Variants in CDH12 observed in about 807,000 individuals in gnomAD.
CDH12 encodes cadherin 12.
Under a neutral mutation model 74.1 loss-of-function variants are expected in CDH12, and 41 were observed. The ratio of observed to expected loss-of-function variants is 0.55; its 90% CI spans 0.43 to 0.72. CDH12 has a LOEUF of 0.72. Among genes scored for constraint, CDH12 ranks in the 30% least tolerant of loss-of-function variants. CDH12 has a pLI of 0.00. For missense variants in CDH12, 945 were observed against 977.2 expected (o/e 0.97, Z 0.44); for synonymous variants, 399 against 355.0 (o/e 1.12, Z -1.39).
At chr5:22,852,874 C>A (rs1022977480) in intron 1 of CDH12, among the ~76,000 whole-genome samples, 184 bp downstream of exon 1, 1 of 152,124 alleles carries the variant, frequency 6.6e-6, no homozygotes, top group Non-Finnish European at 1.5e-5. Context: ...TTAGAACTTA[C>A]CGAAGTTTCC....
chr5:22,612,697 T>C (rs1737472395), intron 1 of CDH12, among the ~76,000 whole-genome samples: 1 of 152,130 alleles, frequency 6.6e-6, no homozygotes, highest in Non-Finnish European at 1.5e-5. Context: ...TTTGACTGTC[T>C]GGTGTGTTCT....
intron 11 of CDH12, among the ~76,000 whole-genome samples, chr5:21,782,692 A>T (rs376597526): frequency 3.3e-5 from 5 of 152,126 alleles, no homozygotes; most frequent in Non-Finnish European, 7.3e-5. Flanking sequence ...CACCACTTTC[A>T]CCCTGATCCA....
chr5:22,197,803 T>G (rs1424702602), intron 4 of CDH12, among the ~76,000 whole-genome samples: 1 of 152,128 alleles, frequency 6.6e-6, no homozygotes, highest in Non-Finnish European at 1.5e-5. Flanking sequence ...CTGTTAATAT[T>G]TATAAAGTCT....
intron 4 of CDH12, among the ~76,000 whole-genome samples, chr5:22,137,233 CAT>C (rs1395661293): frequency 6.6e-6 from 1 of 151,916 alleles, no homozygotes; most frequent in Non-Finnish European, 1.5e-5. Flanking sequence ...CATTAATTGC[CAT>C]TCACGTTTTA....
At chr5:22,652,769 T>A (rs1004610769) in intron 1 of CDH12, among the ~76,000 whole-genome samples, 1 of 152,192 alleles carries the variant, frequency 6.6e-6, no homozygotes, top group Non-Finnish European at 1.5e-5. Flanking sequence ...AATAATTAGA[T>A]AAACTTCTTC....
intron 1 of CDH12, among the ~76,000 whole-genome samples, chr5:22,727,951 T>C (rs1744244204): frequency 6.6e-6 from 1 of 151,816 alleles, no homozygotes; most frequent in South Asian, 2.1e-4. Flanking sequence ...AGTTGTTGAG[T>C]TTTTTCAATT....
chr5:21,923,197 A>C (rs1754437693), intron 6 of CDH12, among the ~76,000 whole-genome samples: 1 of 152,122 alleles, frequency 6.6e-6, no homozygotes, highest in Admixed American at 6.6e-5. Context: ...TGAATTAAGA[A>C]ATTTTGAGAT....
intron 3 of CDH12, among the ~76,000 whole-genome samples, chr5:22,301,233 T>C (rs1737866833): frequency 6.6e-6 from 1 of 152,180 alleles, no homozygotes; most frequent in Non-Finnish European, 1.5e-5. Flanking sequence ...ATATGTAAAA[T>C]ATTGCCCTTG....
chr5:22,839,351 T>TC (rs1736982903), intron 1 of CDH12, among the ~76,000 whole-genome samples: 1 of 146,156 alleles, frequency 6.8e-6, no homozygotes, highest in Non-Finnish European at 1.5e-5. Flanking sequence ...AAATTACTTG[T>TC]CTTTTTTTTT....
chr5:22,488,663 C>G (rs1474435983), intron 2 of CDH12, among the ~76,000 whole-genome samples: 1 of 152,092 alleles, frequency 6.6e-6, no homozygotes, highest in East Asian at 1.9e-4. Context: ...CCTAATTATC[C>G]TAGGGCCAAC....
intron 1 of CDH12, among the ~76,000 whole-genome samples, chr5:22,812,858 G>A (rs554334810): frequency 3.3e-5 from 5 of 151,912 alleles, no homozygotes; most frequent in East Asian, 3.9e-4. Flanking sequence ...AGGCAACGGA[G>A]GGAAATACAG....
intron 10 of CDH12, among the ~76,000 whole-genome samples, chr5:21,797,039 A>T (rs1331851885): frequency 1.3e-5 from 2 of 152,166 alleles, no homozygotes; most frequent in Non-Finnish European, 2.9e-5. Flanking sequence ...AAAGTGAAGA[A>T]TAACTAGAAA....
intron 1 of CDH12, among the ~76,000 whole-genome samples, chr5:22,578,890 C>A (rs1302484544): frequency 6.6e-6 from 1 of 152,130 alleles, no homozygotes; most frequent in Non-Finnish European, 1.5e-5. Context: ...GTTCAATTAG[C>A]AAAATTATAG....
In CDH12 at chr5:21,788,607, T is replaced by A. The variant is rs145089592; in HGVS notation, c.1257-5113A>T. 7.9e-5 allele frequency among the ~76,000 whole-genome samples: 12 copies of A among 152,278 alleles called. No individual in the cohort carries two copies. In the East Asian group the frequency reaches 1.7e-3, roughly 22 times the overall value. On this transcript the variant is annotated intron_variant, in intron 10 of 14. Transcript: ENST00000382254. The stretch of plus-strand genomic sequence containing the variant: ...GTTTTTAATATATTTTTAATATTTT[T>A]AAAATATTTCAGATGTATAATAAAG...
intron 1 of CDH12, among the ~76,000 whole-genome samples, chr5:22,636,102 C>T (rs1033267872): frequency 2.0e-4 from 31 of 152,008 alleles, no homozygotes; most frequent in African/African-American, 7.5e-4. Flanking sequence ...TGCTCAACAT[C>T]ATTAATTAGG....
At chr5:22,274,378 GC>G (rs1418522699) in intron 3 of CDH12, among the ~76,000 whole-genome samples, 1 of 151,992 alleles carries the variant, frequency 6.6e-6, no homozygotes, top group Non-Finnish European at 1.5e-5. Flanking sequence ...CATAGATTTA[GC>G]ACATATCCTC....
intron 2 of CDH12, among the ~76,000 whole-genome samples, chr5:22,495,926 T>C (rs1747090127): frequency 6.6e-6 from 1 of 152,188 alleles, no homozygotes; most frequent in African/African-American, 2.4e-5. Context: ...ATATGGAACT[T>C]ACTTTTTTAC....
chr5:22,502,739 C>T (rs975653003), intron 2 of CDH12, among the ~76,000 whole-genome samples: 2 of 151,834 alleles, frequency 1.3e-5, no homozygotes, highest in African/African-American at 4.8e-5. Flanking sequence ...CAAAACACAG[C>T]TCCACATCCT....
chr5:22,240,486 T>A (rs1319505502), intron 3 of CDH12, among the ~76,000 whole-genome samples: 1 of 152,118 alleles, frequency 6.6e-6, no homozygotes, highest in African/African-American at 2.4e-5. Context: ...TAAGCAAAAT[T>A]TGAATCATTT....
Sources: gnomAD v4.1 joint callset for allele counts (sites outside exome capture counted in the v4.1 genomes callset) on GRCh38, gnomAD v4.1.1 for gene constraint, MANE v1.5 for transcripts, NCBI Gene and HGNC (gene_info 2026-07-23, HGNC 2026-07-21) for gene names.